Variants in PRELID2 observed in about 807,000 individuals in gnomAD.
PRELID2 encodes PRELI domain containing 2.
PRELID2 carries 25 observed loss-of-function variants against 28.4 expected under a neutral mutation model. That is an observed-to-expected ratio of 0.88 (90% CI 0.64 to 1.23). The LOEUF is 1.23. Ranked by LOEUF, PRELID2 falls within the 50% of genes most tolerant of loss-of-function variation. The pLI, the probability that PRELID2 is intolerant of heterozygous loss-of-function variation, is 0.00. For synonymous variants in PRELID2, 76 were observed against 71.6 expected (o/e 1.06, Z -0.31); for missense variants, 201 against 214.4 (o/e 0.94, Z 0.39).
At chr5:145,259,434 G>A in the PRELID2 span, among the ~76,000 whole-genome samples, 2 of 152,158 alleles carry the variant, frequency 1.3e-5, no homozygotes, top group African/African-American at 4.8e-5. Flanking sequence ...AGCCATAGGG[G>A]CAGAGCTGCA....
the PRELID2 span, among the ~76,000 whole-genome samples, chr5:145,422,936 G>C: frequency 2.0e-5 from 3 of 151,444 alleles, no homozygotes; most frequent in African/African-American, 4.8e-5. Flanking sequence ...GCCTGGTGGT[G>C]ACAAAATCTC....
In PRELID2 at chr5:145,634,276, C is replaced by A. The variant is rs140106138; in HGVS notation, n.70+130655G>T. Among the ~76,000 whole-genome samples the A allele has an allele frequency of 4.6e-3, 703 of 152,244 alleles. 4 individuals carry two copies. Among genetic ancestry groups the A allele is most frequent in the African/African-American group, 0.016 (656 of 41,554 alleles). ...AAAATACAAACATCACTGGGTCATGCAAACACTCTGCCTCTCCACTCCCAA... is the reference window on the plus strand; with the variant it reads ...AAAATACAAACATCACTGGGTCATGAAAACACTCTGCCTCTCCACTCCCAA... On this transcript the variant is annotated intron_variant and non_coding_transcript_variant, in intron 1 of 2. Coordinates refer to the PRELID2 transcript ENST00000510259.
chr5:145,337,725 A>G, the PRELID2 span, among the ~76,000 whole-genome samples: 1 of 32,930 alleles, frequency 3.0e-5, no homozygotes, highest in Non-Finnish European at 5.5e-5. Context: ...ATATATATAT[A>G]TATATACTCA....
chr5:145,659,351 C>G (rs923466924), intron 1 of PRELID2, among the ~76,000 whole-genome samples: 2 of 152,184 alleles, frequency 1.3e-5, no homozygotes, highest in African/African-American at 4.8e-5. Flanking sequence ...CCCATTTTCC[C>G]CTTTTATACC....
the PRELID2 span, among the ~76,000 whole-genome samples, chr5:145,327,941 C>G: frequency 3.9e-5 from 6 of 152,038 alleles, no homozygotes; most frequent in Non-Finnish European, 1.5e-5. Flanking sequence ...CTACTCCCCC[C>G]ATCCCCCAAC....
rs183388146 is a variant in PRELID2, at chr5:145,757,919, C to A, written c.*2617G>T. On this transcript the variant is annotated 3_prime_UTR_variant, in exon 7 of 7. Coordinates refer to ENST00000683046, the MANE Select transcript of PRELID2 (RefSeq NM_205846.3). ...AAATTACTGAGTGAGGAAAAGTAAT[C>A]CCTGAGGATTATTTAGGAATGAGGA... Among the ~76,000 whole-genome samples, 84 of 151,502 alleles carry A rather than the reference C, an allele frequency of 5.5e-4. No individual in the cohort carries two copies. The highest frequency in any genetic ancestry group is 1.8e-3 in the Admixed American group (27 of 15,236).
chr5:145,810,085 C>T (rs1320964917), intron 4 of PRELID2, among the ~76,000 whole-genome samples: 1 of 152,112 alleles, frequency 6.6e-6, no homozygotes, highest in South Asian at 2.1e-4. Flanking sequence ...AGGGTAAAAA[C>T]CATGACTTTT....
At chr5:145,292,826 GCC>G in the PRELID2 span, among the ~76,000 whole-genome samples, 1 of 146,842 alleles carries the variant, frequency 6.8e-6, no homozygotes, top group Admixed American at 6.6e-5. Flanking sequence ...TTTTACCTCA[GCC>G]TTCCAGGTAG....
At chr5:145,614,271 C>A (rs1320463398) in intron 1 of PRELID2, among the ~76,000 whole-genome samples, 1 of 152,084 alleles carries the variant, frequency 6.6e-6, no homozygotes, top group Non-Finnish European at 1.5e-5. Flanking sequence ...CAAATTTGTT[C>A]CTTTTGCTTA....
At chr5:145,518,064 A>C (rs566322449) in intron 1 of PRELID2, among the ~76,000 whole-genome samples, 1 of 151,932 alleles carries the variant, frequency 6.6e-6, no homozygotes, top group East Asian at 1.9e-4. Context: ...TGGGTGCAGC[A>C]AACCACCATG....
At chr5:145,585,715 CT>C (rs1370637646) in intron 1 of PRELID2, among the ~76,000 whole-genome samples, 1 of 152,156 alleles carries the variant, frequency 6.6e-6, no homozygotes, top group African/African-American at 2.4e-5. Flanking sequence ...GCAAAGGGAC[CT>C]TTTTTTAATA....
At chr5:145,711,225 G>A (rs564110126) in intron 1 of PRELID2, among the ~76,000 whole-genome samples, 6 of 152,164 alleles carry the variant, frequency 3.9e-5, no homozygotes, top group Non-Finnish European at 8.8e-5. Flanking sequence ...AAAGTAGGAG[G>A]TCATAGAAGA....
chr5:145,354,369 T>C, the PRELID2 span, among the ~76,000 whole-genome samples: 1 of 152,200 alleles, frequency 6.6e-6, no homozygotes, highest in South Asian at 2.1e-4. Context: ...ACGATTTTTT[T>C]ATTTTCCATT....
chr5:145,455,231 T>G, the PRELID2 span, among the ~76,000 whole-genome samples: 1 of 152,228 alleles, frequency 6.6e-6, no homozygotes, highest in Non-Finnish European at 1.5e-5. Context: ...CACTGCATGT[T>G]TTTGTCAGGT....
At chr5:145,684,976 T>A (rs932210039) in intron 1 of PRELID2, among the ~76,000 whole-genome samples, 3 of 152,202 alleles carry the variant, frequency 2.0e-5, no homozygotes, top group Admixed American at 2.0e-4. Flanking sequence ...AAAGTTGGGC[T>A]GTTGGTCTCT....
At chr5:145,319,774 T>TA in the PRELID2 span, among the ~76,000 whole-genome samples, 45 of 152,170 alleles carry the variant, frequency 3.0e-4, no homozygotes, top group Non-Finnish European at 5.7e-4. Context: ...TGCTTATTCA[T>TA]AAAATCACCT....
At chr5:145,283,625 T>C in the PRELID2 span, among the ~76,000 whole-genome samples, 1 of 152,212 alleles carries the variant, frequency 6.6e-6, no homozygotes, top group Non-Finnish European at 1.5e-5. Flanking sequence ...GAAGGAAGTC[T>C]GATTTAGCAA....
chr5:145,336,955 A>T, the PRELID2 span, among the ~76,000 whole-genome samples: 1 of 104,902 alleles, frequency 9.5e-6, no homozygotes, highest in Non-Finnish European at 1.8e-5. Context: ...CACTCTGGGG[A>T]CTGTTGTGGG....
At chr5:145,536,079 C>T (rs1009237201) in intron 1 of PRELID2, among the ~76,000 whole-genome samples, 4 of 151,854 alleles carry the variant, frequency 2.6e-5, no homozygotes, top group Admixed American at 2.0e-4. Flanking sequence ...CCACGGTGTA[C>T]ATCTCATTGA....
Sources: gnomAD v4.1 joint callset for allele counts (sites outside exome capture counted in the v4.1 genomes callset) on GRCh38, gnomAD v4.1.1 for gene constraint, MANE v1.5 for transcripts, NCBI Gene and HGNC (gene_info 2026-07-23, HGNC 2026-07-21) for gene names.